Variants in ACCSL observed in about 807,000 individuals in gnomAD.
ACCSL encodes the protein probable inactive 1-aminocyclopropane-1-carboxylate synthase-like protein 2.
In ACCSL, 55 loss-of-function variants were observed where a neutral mutation model predicts 61.7. The observed-to-expected ratio is 0.89, with a 90% CI of 0.72 to 1.12. ACCSL has a LOEUF of 1.12. Ranked by LOEUF, ACCSL falls within the 50% of genes most tolerant of loss-of-function variation. ACCSL has a pLI of 0.00. For missense variants in ACCSL, 632 were observed against 698.0 expected (o/e 0.91, Z 1.07); for synonymous variants, 258 against 264.3 (o/e 0.98, Z 0.23).
chr11:44,036,099 G>T, the ACCSL span, among the ~76,000 whole-genome samples: 1 of 152,158 alleles, frequency 6.6e-6, no homozygotes. Context: ...GTTCCCCAGG[G>T]GGCAACCAGG....
chr11:44,047,292 T>C (rs1055538896), upstream of ACCSL, among the ~76,000 whole-genome samples: 5 of 152,072 alleles, frequency 3.3e-5, no homozygotes, highest in East Asian at 1.9e-4. Flanking sequence ...CAAGTGAGGA[T>C]AGAGGAACTG....
upstream of ACCSL, among the ~76,000 whole-genome samples, chr11:44,045,190 C>T (rs530711606): frequency 6.6e-6 from 1 of 152,262 alleles, no homozygotes; most frequent in South Asian, 2.1e-4. Context: ...ACAATCCTAG[C>T]ACTTAGGGAG....
chr11:44,040,203 T>C, the ACCSL span, among the ~76,000 whole-genome samples: 36 of 152,344 alleles, frequency 2.4e-4, 1 homozygote, highest in African/African-American at 7.9e-4. Flanking sequence ...GTAGCTCATT[T>C]GTGTTTTAAT....
At chr11:43,981,084 A>C in the ACCSL span, among the ~76,000 whole-genome samples, 1 of 145,028 alleles carries the variant, frequency 6.9e-6, no homozygotes, top group African/African-American at 2.6e-5. Flanking sequence ...TGGGGAAACA[A>C]GATGGGGCAG....
At chr11:44,042,966 C>A in the ACCSL span, among the ~76,000 whole-genome samples, 1 of 151,560 alleles carries the variant, frequency 6.6e-6, no homozygotes, top group Middle Eastern at 3.4e-3. Flanking sequence ...GCCTGTGATA[C>A]CAGTTACTCG....
At chr11:43,952,387 C>T in the ACCSL span, among the ~76,000 whole-genome samples, 1 of 152,178 alleles carries the variant, frequency 6.6e-6, no homozygotes, top group Admixed American at 6.5e-5. Context: ...GTCTTATTCC[C>T]AATTTCTGCC....
chr11:43,987,082 C>T, the ACCSL span, among the ~76,000 whole-genome samples: 1 of 151,322 alleles, frequency 6.6e-6, no homozygotes, highest in South Asian at 2.1e-4. Flanking sequence ...GACCTGCCCC[C>T]CACCCCCGAG....
At chr11:44,047,974 T>C (rs1449243432), upstream of ACCSL, 1 of 1,553,628 alleles carries the variant, frequency 6.4e-7, no homozygotes, top group African/African-American at 1.4e-5. Context: ...TGCTCCATTG[T>C]CAATGGTCTC....
At position 44,059,776 on chromosome 11, in the gene ACCSL, T is replaced by C; in HGVS notation, c.1625-62T>C. ...TGGTTGACCATGACCTGGGTATGTC[T>C]GGGACCCACCAGCAAACCTACTAAA... is the stretch of plus-strand genomic sequence containing the variant. On this transcript the variant is annotated intron_variant, in intron 13 of 13. Transcript: ENST00000378832. The C allele has an allele frequency of 3.4e-6, 5 of 1,468,900 alleles. No homozygotes were observed. The South Asian group carries it at 3.5e-5, about 10-fold the overall frequency. 91.0% of individuals were successfully genotyped at this position (1,468,900 alleles called of 1,614,324 possible).
the ACCSL span, among the ~76,000 whole-genome samples, chr11:44,005,258 C>G: frequency 5.3e-5 from 8 of 152,278 alleles, no homozygotes; most frequent in East Asian, 1.5e-3. Context: ...TTCAGCACCC[C>G]CTCCCCGGAT....
At chr11:44,039,896 A>G in the ACCSL span, among the ~76,000 whole-genome samples, 2 of 152,230 alleles carry the variant, frequency 1.3e-5, no homozygotes, top group African/African-American at 4.8e-5. Context: ...CACAGCACAT[A>G]GTCATGGGCG....
At chr11:44,055,062 A>G (rs1952662727) in intron 8 of ACCSL, 140 bp from the exon 9 acceptor site, 1 of 583,606 alleles carries the variant, frequency 1.7e-6, no homozygotes, top group Admixed American at 2.8e-5. Flanking sequence ...CTGCTGGGGC[A>G]GTAGGAGTGC....
the ACCSL span, among the ~76,000 whole-genome samples, chr11:43,988,318 C>G: frequency 6.6e-6 from 1 of 152,166 alleles, no homozygotes; most frequent in Non-Finnish European, 1.5e-5. Flanking sequence ...GTTCGTTTGC[C>G]TGGTGAGTAA....
At chr11:43,971,284 C>CAAAA in the ACCSL span, among the ~76,000 whole-genome samples, 83 of 137,634 alleles carry the variant, frequency 6.0e-4, no homozygotes, top group Admixed American at 1.4e-3. Flanking sequence ...GACTCTGTCT[C>CAAAA]AAAAAAAAAA....
chr11:44,009,180 C>A, the ACCSL span, among the ~76,000 whole-genome samples: 1 of 151,560 alleles, frequency 6.6e-6, no homozygotes, highest in Non-Finnish European at 1.5e-5. Context: ...AACAAACAAA[C>A]AAAATTTAAT....
chr11:44,009,943 T>C, the ACCSL span, among the ~76,000 whole-genome samples: 1 of 152,208 alleles, frequency 6.6e-6, no homozygotes, highest in African/African-American at 2.4e-5. Context: ...GTCTTCTCTC[T>C]TATTAATGAT....
At chr11:43,999,104 G>C in the ACCSL span, among the ~76,000 whole-genome samples, 1 of 152,278 alleles carries the variant, frequency 6.6e-6, no homozygotes, top group South Asian at 2.1e-4. Flanking sequence ...GAGGCTAACA[G>C]TTGCGAGGAT....
chr11:43,991,173 C>T, the ACCSL span, among the ~76,000 whole-genome samples: 1 of 152,192 alleles, frequency 6.6e-6, no homozygotes, highest in African/African-American at 2.4e-5. Flanking sequence ...TACTACATGC[C>T]AGGCCCTGTT....
At chr11:43,952,468 G>A in the ACCSL span, among the ~76,000 whole-genome samples, 2 of 152,224 alleles carry the variant, frequency 1.3e-5, no homozygotes, top group Non-Finnish European at 2.9e-5. Context: ...GCTGCACCCT[G>A]GGTCTGGTTA....
Sources: allele counts gnomAD v4.1 joint callset (sites outside exome capture counted in the v4.1 genomes callset), GRCh38; gene constraint gnomAD v4.1.1; transcripts MANE v1.5; gene names NCBI Gene and HGNC (gene_info 2026-07-23, HGNC 2026-07-21).